Variants in TTLL5 observed in about 807,000 individuals in gnomAD.
TTLL5 encodes tubulin polyglutamylase TTLL5.
A neutral mutation model predicts 168.4 loss-of-function variants in TTLL5; 132 were observed. The observed-to-expected ratio is 0.78, with a 90% CI of 0.68 to 0.91. The LOEUF (loss-of-function observed/expected upper bound fraction) is 0.91, where lower values mean the gene tolerates loss of function less well. Among genes scored for constraint, TTLL5 ranks in the 40% least tolerant of loss-of-function variants. TTLL5 has a pLI of 0.00. For missense variants in TTLL5, 1,545 were observed against 1,581.5 expected (o/e 0.98, Z 0.39); for synonymous variants, 546 against 558.6 (o/e 0.98, Z 0.32).
intron 26 of TTLL5, among the ~76,000 whole-genome samples, chr14:75,791,259 G>A (rs565829651): frequency 7.9e-5 from 12 of 152,178 alleles, no homozygotes; most frequent in South Asian, 4.1e-4. Context: ...TTATGGCTGC[G>A]TTGTTTATAA....
intron 12 of TTLL5, among the ~76,000 whole-genome samples, chr14:75,729,974 T>C (rs919779349): frequency 2.6e-5 from 4 of 152,234 alleles, no homozygotes; most frequent in Non-Finnish European, 4.4e-5. Flanking sequence ...TCATTGATTG[T>C]TAATCTGATT....
intron 15 of TTLL5, chr14:75,744,551 T>A (rs1479630949): frequency 6.5e-6 from 1 of 152,680 alleles, no homozygotes; most frequent in Non-Finnish European, 1.5e-5. Flanking sequence ...AGCTCTTTTC[T>A]GTGTTACTGA....
chr14:75,802,173 AT>A (rs1268261201), intron 27 of TTLL5, among the ~76,000 whole-genome samples: 7 of 151,794 alleles, frequency 4.6e-5, no homozygotes, highest in Non-Finnish European at 7.4e-5. Flanking sequence ...CTAATTCATT[AT>A]TTTCTTGCCT....
chr14:75,667,469 T>A (rs1406074674), intron 2 of TTLL5, among the ~76,000 whole-genome samples: 1 of 152,148 alleles, frequency 6.6e-6, no homozygotes, highest in Admixed American at 6.5e-5. Context: ...ATTTTACAGG[T>A]GTTAAAGATG....
At chr14:75,859,039 T>C (rs1428172197) in intron 28 of TTLL5, among the ~76,000 whole-genome samples, 1 of 152,192 alleles carries the variant, frequency 6.6e-6, no homozygotes, top group Non-Finnish European at 1.5e-5. Flanking sequence ...GGGGCATCCT[T>C]GTACATGGTA....
intron 12 of TTLL5, among the ~76,000 whole-genome samples, chr14:75,725,698 C>G (rs1408819857): frequency 6.6e-6 from 1 of 152,132 alleles, no homozygotes; most frequent in African/African-American, 2.4e-5. Context: ...TCTCCCTCTG[C>G]TCTCCCGTAA....
chr14:75,721,685 G>A (rs1234083996), intron 12 of TTLL5, among the ~76,000 whole-genome samples: 1 of 152,178 alleles, frequency 6.6e-6, no homozygotes, highest in East Asian at 1.9e-4. Context: ...TCTACCTCCT[G>A]AGAATACCAT....
At chr14:75,760,768 G>T (rs1432940442) in intron 18 of TTLL5, among the ~76,000 whole-genome samples, 4 of 152,048 alleles carry the variant, frequency 2.6e-5, no homozygotes, top group Non-Finnish European at 5.9e-5. Context: ...AGAAATTAGA[G>T]ATGATTCATA....
At chr14:75,761,303 T>C (rs763092696) in intron 18 of TTLL5, among the ~76,000 whole-genome samples, 3 of 151,924 alleles carry the variant, frequency 2.0e-5, no homozygotes, top group Non-Finnish European at 4.4e-5. Flanking sequence ...TACAAGCACT[T>C]TAGGAAGAGA....
intron 29 of TTLL5, among the ~76,000 whole-genome samples, chr14:75,880,190 G>A (rs2031729963): frequency 6.6e-6 from 1 of 151,922 alleles, no homozygotes; most frequent in Admixed American, 6.6e-5. Flanking sequence ...TATATGGTGT[G>A]TATGTATTCT....
At chr14:75,814,563 C>T (rs1015064138) in intron 27 of TTLL5, 7 of 152,126 alleles carry the variant, frequency 4.6e-5, no homozygotes, top group Non-Finnish European at 8.8e-5. Flanking sequence ...GCCCTTAGGT[C>T]TTCTCTAGGC....
intron 12 of TTLL5, among the ~76,000 whole-genome samples, chr14:75,723,088 A>G (rs1887945726): frequency 6.6e-6 from 1 of 152,034 alleles, no homozygotes; most frequent in Non-Finnish European, 1.5e-5. Flanking sequence ...CAGTAAGAAT[A>G]TCTCCGTCAG....
rs370819261 is a variant in TTLL5 at position 75,909,404 on chromosome 14, C to T, written c.3823+7180C>T. Among the ~76,000 whole-genome samples the T allele has an allele frequency of 3.7e-4, 56 of 151,262 alleles. No individual in the cohort carries two copies. In the South Asian group the frequency reaches 9.7e-3, roughly 26 times the overall value. On this transcript the variant is annotated intron_variant, in intron 31 of 31. Coordinates refer to ENST00000298832, the MANE Select transcript of TTLL5 (RefSeq NM_015072.5). ...AAGCTGTTTAATTGCCCTGCCTTGC[C>T]TTTCCTATGGAAGCCCCAGCAAAGG...
At chr14:75,846,611 AG>A (rs1440463863) in intron 28 of TTLL5, among the ~76,000 whole-genome samples, 1 of 151,936 alleles carries the variant, frequency 6.6e-6, no homozygotes, top group Non-Finnish European at 1.5e-5. Context: ...TCCAACATGG[AG>A]AAACCCTGTC....
At chr14:75,788,164 T>C (rs1233050198) in intron 26 of TTLL5, among the ~76,000 whole-genome samples, 5 of 152,092 alleles carry the variant, frequency 3.3e-5, no homozygotes, top group Admixed American at 6.5e-5. Flanking sequence ...TAAAAACTTA[T>C]ATTTGAAAAG....
intron 29 of TTLL5, among the ~76,000 whole-genome samples, chr14:75,872,523 A>G (rs555114325): frequency 6.6e-6 from 1 of 152,164 alleles, no homozygotes; most frequent in Non-Finnish European, 1.5e-5. Flanking sequence ...TTTCTTCTGT[A>G]AATGGTGATG....
In TTLL5 at chr14:75,720,576, T is replaced by G; in HGVS notation, c.935-20T>G. 1 of 1,582,922 alleles carries G rather than the reference T, an allele frequency of 6.3e-7. No individual in the cohort carries two copies. Among genetic ancestry groups the G allele is most frequent in the Non-Finnish European group, 8.7e-7 (1 of 1,152,910 alleles). ...TGTATTTTGATATTGAGTCTGAAATTTAAAAATTTTTGTTTGCAGCATTGA... is the reference window on the plus strand; with the variant it reads ...TGTATTTTGATATTGAGTCTGAAATGTAAAAATTTTTGTTTGCAGCATTGA... On this transcript the variant is annotated intron_variant, in intron 11 of 31. Coordinates refer to ENST00000298832, the MANE Select transcript of TTLL5 (RefSeq NM_015072.5).
intron 27 of TTLL5, among the ~76,000 whole-genome samples, chr14:75,815,081 G>A (rs1176766701): frequency 6.6e-6 from 1 of 152,224 alleles, no homozygotes; most frequent in South Asian, 2.1e-4. Flanking sequence ...TCAGCCCCGA[G>A]TTGCTTGATT....
chr14:75,678,296 C>G (rs772741519), intron 3 of TTLL5, among the ~76,000 whole-genome samples: 2 of 152,206 alleles, frequency 1.3e-5, no homozygotes, highest in South Asian at 4.1e-4. Flanking sequence ...ATTTGCTTCT[C>G]TCTTTCTGAA....
Sources: allele counts gnomAD v4.1 joint callset (sites outside exome capture counted in the v4.1 genomes callset), GRCh38; gene constraint gnomAD v4.1.1; transcripts MANE v1.5; gene names NCBI Gene and HGNC (gene_info 2026-07-23, HGNC 2026-07-21).